ATG10: variants seen among roughly 807,000 people sequenced by gnomAD.
ATG10 encodes ubiquitin-like-conjugating enzyme ATG10.
Under a neutral mutation model 32.1 loss-of-function variants are expected in ATG10, and 30 were observed. That is an observed-to-expected ratio of 0.94 (90% CI 0.70 to 1.27). The LOEUF is 1.27. Among genes scored for constraint, ATG10 ranks in the 50% most tolerant of loss-of-function variants. The probability of loss-of-function intolerance (pLI) is 0.00; values close to 1 mark genes in which losing one functional copy is unlikely to be tolerated. For missense variants in ATG10, 233 were observed against 262.3 expected, an observed-to-expected ratio of 0.89 and a Z score of 0.77; for synonymous variants, 87 against 91.5, an observed-to-expected ratio of 0.95 and a Z score of 0.28.
intron 3 of ATG10, among the ~76,000 whole-genome samples, chr5:82,110,296 T>A (rs961712998): frequency 2.6e-5 from 4 of 152,052 alleles, no homozygotes; most frequent in Non-Finnish European, 5.9e-5. Context: ...ATGATTTATA[T>A]TCCTTTGGGT....
chr5:82,101,282 C>G (rs1019073731), intron 3 of ATG10, among the ~76,000 whole-genome samples: 2 of 152,120 alleles, frequency 1.3e-5, no homozygotes, highest in African/African-American at 2.4e-5. Flanking sequence ...TCAAGATCAC[C>G]TTGTGGTAAG....
intron 2 of ATG10, among the ~76,000 whole-genome samples, chr5:82,028,112 G>A (rs1043204617): frequency 5.3e-5 from 8 of 152,054 alleles, no homozygotes; most frequent in Admixed American, 5.2e-4. Context: ...TGTGAAAATT[G>A]TTTGAGGCCA....
rs1747417650 is a variant in ATG10, at chr5:82,255,100, T to A, written c.*1037T>A. ...CCTATAGTAATAAAACAATGGTCAT[T>A]TTACCCCTCTGCTTCTCAACCCCAC... On this transcript the variant is annotated 3_prime_UTR_variant, in exon 8 of 8. Coordinates refer to ENST00000282185, the MANE Select transcript of ATG10 (RefSeq NM_031482.5). 1 of 152,178 alleles carries A rather than the reference T, an allele frequency of 6.6e-6. No homozygotes were observed. Among genetic ancestry groups the A allele is most frequent in the South Asian group, 2.1e-4 (1 of 4,826 alleles). 9.4% of individuals were successfully genotyped at this position (152,178 alleles called of 1,614,324 possible).
chr5:82,197,281 T>C (rs1470773815), intron 5 of ATG10, among the ~76,000 whole-genome samples: 1 of 152,204 alleles, frequency 6.6e-6, no homozygotes, highest in Admixed American at 6.5e-5. Flanking sequence ...TTAGGTCTAA[T>C]AGTTTTTTGT....
At chr5:82,070,643 A>AG (rs1764102259) in intron 3 of ATG10, among the ~76,000 whole-genome samples, 1 of 152,080 alleles carries the variant, frequency 6.6e-6, no homozygotes, top group Non-Finnish European at 1.5e-5. Context: ...TTTCTTACTT[A>AG]GTCTTGACCT....
chr5:82,208,454 A>G (rs965746948), intron 5 of ATG10, among the ~76,000 whole-genome samples: 4 of 152,182 alleles, frequency 2.6e-5, no homozygotes, highest in Non-Finnish European at 5.9e-5. Flanking sequence ...TCCATTGATT[A>G]GTTTTTAATG....
chr5:82,076,699 T>C (rs1764283421), intron 3 of ATG10, among the ~76,000 whole-genome samples: 1 of 152,206 alleles, frequency 6.6e-6, no homozygotes, highest in South Asian at 2.1e-4. Flanking sequence ...TCATCAGTGA[T>C]ATACTAGAAG....
rs530341512 is a variant in ATG10 at position 82,154,061 on chromosome 5, G to A, written c.217-10338G>A. Among the ~76,000 whole-genome samples the A allele has an allele frequency of 1.4e-4, 21 of 151,872 alleles. No homozygotes were observed. The South Asian group carries it at 4.4e-3, about 32-fold the overall frequency. On this transcript the variant is annotated intron_variant, in intron 3 of 7. Coordinates refer to ENST00000282185, the MANE Select transcript of ATG10 (RefSeq NM_031482.5). Reference sequence around the variant, plus strand: ...TTGCAGACATGAGCCACAGCACCTAGCCTGCTGTGTATTTCTGTACAGCTC... The same window carrying A: ...TTGCAGACATGAGCCACAGCACCTAACCTGCTGTGTATTTCTGTACAGCTC...
intron 5 of ATG10, among the ~76,000 whole-genome samples, chr5:82,250,947 C>T (rs1747233065): frequency 6.6e-6 from 1 of 152,156 alleles, no homozygotes; most frequent in African/African-American, 2.4e-5. Flanking sequence ...GAGCCCAGGG[C>T]CCAGTTAGGG....
intron 5 of ATG10, among the ~76,000 whole-genome samples, chr5:82,222,706 G>A (rs1019435834): frequency 6.6e-6 from 1 of 152,150 alleles, no homozygotes; most frequent in African/African-American, 2.4e-5. Flanking sequence ...TTGCTGCTGA[G>A]GTAAATAGCT....
At chr5:81,972,803 C>T (rs970338426) in intron 1 of ATG10, among the ~76,000 whole-genome samples, 1 of 151,618 alleles carries the variant, frequency 6.6e-6, no homozygotes, top group African/African-American at 2.4e-5. Flanking sequence ...CAAGAATTGG[C>T]GGGGAGGACC....
At chr5:82,033,948 A>G (rs1762823652) in intron 2 of ATG10, among the ~76,000 whole-genome samples, 1 of 147,596 alleles carries the variant, frequency 6.8e-6, no homozygotes. Flanking sequence ...TGTACTATGT[A>G]TATGTATATA....
chr5:82,232,865 A>C (rs1278413252), intron 5 of ATG10, among the ~76,000 whole-genome samples: 1 of 152,190 alleles, frequency 6.6e-6, no homozygotes, highest in Non-Finnish European at 1.5e-5. Flanking sequence ...CCCCAGGGCT[A>C]TCAAGCCACT....
chr5:81,975,526 CA>C (rs1427126378), intron 1 of ATG10, among the ~76,000 whole-genome samples: 46 of 152,148 alleles, frequency 3.0e-4, no homozygotes, highest in African/African-American at 9.9e-4. Flanking sequence ...ACAAAAAATA[CA>C]AAAAATTAGC....
At chr5:82,127,999 CTCT>C (rs1766349957) in intron 3 of ATG10, among the ~76,000 whole-genome samples, 1 of 152,012 alleles carries the variant, frequency 6.6e-6, no homozygotes, top group Admixed American at 6.6e-5. Flanking sequence ...GGAGTGTTAG[CTCT>C]TCTTGTTGCA....
At chr5:82,020,418 C>T (rs1762403725) in intron 2 of ATG10, among the ~76,000 whole-genome samples, 1 of 152,208 alleles carries the variant, frequency 6.6e-6, no homozygotes, top group Admixed American at 6.5e-5. Context: ...AAGTTACGGA[C>T]TGGGACCAAG....
chr5:82,183,237 A>G (rs1744302904), intron 5 of ATG10, among the ~76,000 whole-genome samples: 1 of 152,106 alleles, frequency 6.6e-6, no homozygotes, highest in African/African-American at 2.4e-5. Context: ...TAGTTTGTTT[A>G]TATCAGGATC....
intron 2 of ATG10, among the ~76,000 whole-genome samples, chr5:82,030,923 C>T (rs1277098663): frequency 6.6e-6 from 1 of 152,016 alleles, no homozygotes; most frequent in Non-Finnish European, 1.5e-5. Flanking sequence ...TGATAGGTAT[C>T]ATCTCATTTT....
intron 3 of ATG10, among the ~76,000 whole-genome samples, chr5:82,143,779 G>T (rs1767241211): frequency 6.6e-6 from 1 of 152,182 alleles, no homozygotes; most frequent in Non-Finnish European, 1.5e-5. Context: ...TGGGAGACGG[G>T]ATATTGACTT....
Sources: gnomAD v4.1 joint callset for allele counts (sites outside exome capture counted in the v4.1 genomes callset) on GRCh38, gnomAD v4.1.1 for gene constraint, MANE v1.5 for transcripts, NCBI Gene and HGNC (gene_info 2026-07-23, HGNC 2026-07-21) for gene names.